The following EFR3A variants were observed in gnomAD, a reference collection of about 807,000 sequenced individuals.
EFR3A encodes EFR3 homolog A, also known as protein EFR3 homolog A.
In EFR3A, 76 loss-of-function variants were observed where a neutral mutation model predicts 104.4. That is an observed-to-expected ratio of 0.73 (90% CI 0.60 to 0.88). The LOEUF (loss-of-function observed/expected upper bound fraction) is 0.88. EFR3A is among the 40% of genes least tolerant of loss of function. The pLI, the probability that EFR3A is intolerant of heterozygous loss-of-function variation, is 0.00. For missense variants in EFR3A, 985 were observed against 1,012.5 expected (o/e 0.97, Z 0.37); for synonymous variants, 330 against 330.0 (o/e 1.00, Z 0.00).
chr8:131,965,322 C>A (rs551418607), intron 8 of EFR3A, among the ~76,000 whole-genome samples: 114 of 152,174 alleles, frequency 7.5e-4, no homozygotes, highest in African/African-American at 2.7e-3. Flanking sequence ...ACTCATCTGA[C>A]GAAGGGCTAA....
intron 18 of EFR3A, among the ~76,000 whole-genome samples, chr8:131,992,421 A>G (rs1023733493): frequency 6.6e-6 from 1 of 152,176 alleles, no homozygotes; most frequent in Non-Finnish European, 1.5e-5. Flanking sequence ...TTCAGCCTTC[A>G]TGCAGTAGAA....
chr8:131,951,387 T>C (rs2130608776), intron 5 of EFR3A, among the ~76,000 whole-genome samples: 1 of 152,234 alleles, frequency 6.6e-6, no homozygotes, highest in East Asian at 1.9e-4. Flanking sequence ...ATTAGTTTTC[T>C]ATTTGTCTCC....
At chr8:131,978,599 T>C (rs1255975910) in intron 12 of EFR3A, among the ~76,000 whole-genome samples, 2 of 152,186 alleles carry the variant, frequency 1.3e-5, no homozygotes, top group African/African-American at 2.4e-5. Context: ...TTAATACATA[T>C]GCAGTGCTTA....
chr8:131,945,020 A>C, intron 3 of EFR3A, 148 bp downstream of exon 3: 1 of 944,272 alleles, frequency 1.1e-6, no homozygotes, highest in Non-Finnish European at 1.5e-6. Flanking sequence ...GAAATATATA[A>C]TACTCCAATA....
chr8:131,991,542 G>A (rs1217033186), intron 18 of EFR3A, among the ~76,000 whole-genome samples: 4 of 152,100 alleles, frequency 2.6e-5, no homozygotes, highest in East Asian at 1.9e-4. Flanking sequence ...AAAGTAGCTT[G>A]TAGGCAGTTA....
In EFR3A at chr8:131,970,609, G is replaced by A. The variant is rs1343210840; in HGVS notation, c.1125G>A (p.Glu375=). 3 of 1,613,694 alleles carry A rather than the reference G, an allele frequency of 1.9e-6. No homozygotes were observed. The highest frequency in any genetic ancestry group is 2.2e-5 in the East Asian group (1 of 44,864). The change falls in exon 10 of 23, where the codon GAG becomes GAA. Residue 375 remains glutamate (E), a synonymous_variant. Coordinates refer to ENST00000254624, the MANE Select transcript of EFR3A (RefSeq NM_015137.6). ...NLNTSSKDND[E]KIVQNAIIQT... is the part of the protein sequence containing the mutation. The stretch of plus-strand genomic sequence containing the variant: ...ATACAAGTTCCAAAGACAATGATGA[G>A]AAGATTGTGCAGAATGCTATCATCC...
chr8:131,985,093 T>C, intron 16 of EFR3A, 33 bp downstream of exon 16: 1 of 1,575,492 alleles, frequency 6.3e-7, no homozygotes, highest in Non-Finnish European at 8.7e-7. Context: ...TAAACTTGAA[T>C]TTTGTACAAA....
At position 131,970,652 on chromosome 8, in the gene EFR3A, A is replaced by C. The variant is rs1820001162; in HGVS notation, c.1159+9A>C. ...TATCATCCAAACAATAGGTGAGTAC[A>C]TTTCACTTTTCAAAACTATCATGTA... On this transcript the variant is annotated intron_variant, in intron 10 of 22. Transcript: ENST00000254624. 6.2e-7 allele frequency: 1 copy of C among 1,607,450 alleles called. No individual in the cohort carries two copies. Among genetic ancestry groups the C allele is most frequent in the African/African-American group, 1.3e-5 (1 of 74,684 alleles).
intron 18 of EFR3A, among the ~76,000 whole-genome samples, chr8:131,995,015 C>G (rs528673812): frequency 6.6e-6 from 1 of 152,156 alleles, no homozygotes; most frequent in South Asian, 2.1e-4. Flanking sequence ...TCTTCTGTAT[C>G]ATAAAGGAAA....
intron 1 of EFR3A, among the ~76,000 whole-genome samples, chr8:131,919,058 T>G (rs1816872302): frequency 6.6e-6 from 1 of 151,512 alleles, no homozygotes; most frequent in African/African-American, 2.4e-5. Flanking sequence ...CTTACTTTGT[T>G]TAAGCAGACA....
chr8:131,995,470 T>C (rs1821426664), intron 18 of EFR3A, among the ~76,000 whole-genome samples: 1 of 152,238 alleles, frequency 6.6e-6, no homozygotes. Flanking sequence ...ACAGGGTCTC[T>C]AATCACTTCC....
intron 10 of EFR3A, among the ~76,000 whole-genome samples, chr8:131,973,456 G>A (rs1006429452): frequency 5.3e-5 from 8 of 151,954 alleles, no homozygotes; most frequent in Non-Finnish European, 1.0e-4. Context: ...ATTATAAAAT[G>A]TATATATAGC....
rs1466218518 is a variant in EFR3A at position 131,954,639 on chromosome 8, A to G, written c.638+672A>G. Among the ~76,000 whole-genome samples the G allele has an allele frequency of 2.0e-5, 3 of 149,674 alleles. No individual in the cohort carries two copies. In the East Asian group the frequency reaches 5.8e-4, roughly 29 times the overall value. ...GTTAATAATAAATAAATAGTGAAAT[A>G]TTTATTATAAATAATATTTTAAATA... On this transcript the variant is annotated intron_variant, in intron 6 of 22. Transcript: ENST00000254624.
chr8:131,969,120 A>C (rs527884195), intron 9 of EFR3A, among the ~76,000 whole-genome samples: 1 of 152,322 alleles, frequency 6.6e-6, no homozygotes, highest in South Asian at 2.1e-4. Context: ...GACAATGTCA[A>C]GTTGATAGGA....
At chr8:131,915,875 T>A (rs1586525471) in intron 1 of EFR3A, among the ~76,000 whole-genome samples, 1 of 152,206 alleles carries the variant, frequency 6.6e-6, no homozygotes, top group African/African-American at 2.4e-5. Context: ...TTTATTCACA[T>A]ATTTATTGAA....
At position 131,913,267 on chromosome 8, in the gene EFR3A, T is replaced by C. The variant is rs143469549; in HGVS notation, c.10+8945T>C. 4.5e-4 allele frequency among the ~76,000 whole-genome samples: 68 copies of C among 152,100 alleles called. 2 individuals are homozygous for C. The highest frequency in any genetic ancestry group is 1.6e-3 in the African/African-American group (68 of 41,502). On this transcript the variant is annotated intron_variant, in intron 1 of 22. Coordinates refer to ENST00000254624, the MANE Select transcript of EFR3A (RefSeq NM_015137.6). The stretch of plus-strand genomic sequence containing the variant: ...CATGTCAAAATTCTCTCATCATGTG[T>C]ATTTGCCGGGTTTATTCAGTTCTTG...
chr8:131,965,655 A>G (rs1463572737), intron 8 of EFR3A, among the ~76,000 whole-genome samples: 1 of 152,184 alleles, frequency 6.6e-6, no homozygotes, highest in African/African-American at 2.4e-5. Flanking sequence ...CAGTGTGGCA[A>G]TTCCTCAGGG....
chr8:131,987,508 T>A, intron 17 of EFR3A, 67 bp from the exon 18 acceptor site: 1 of 1,485,434 alleles, frequency 6.7e-7, no homozygotes, highest in Non-Finnish European at 9.0e-7. Context: ...TGGAATGTTT[T>A]GCATAGTAAC....
Position 132,010,685 on chromosome 8 carries a change from A to G in EFR3A, c.2361-105A>G, listed in dbSNP as rs75380359. The G allele has an allele frequency of 6.9e-4, 943 of 1,364,212 alleles. 3 individuals carry two copies. In the African/African-American group the frequency reaches 0.012, roughly 17 times the overall value. The allele number at this position is 1,364,212 out of a possible 1,614,324, so 84.5% of individuals were successfully genotyped here. Reference sequence around the variant, plus strand: ...AACTACAATGGCATTGATCACTGCAATTAAGGAGTCTGACTTTGATATTCG... The same window carrying G: ...AACTACAATGGCATTGATCACTGCAGTTAAGGAGTCTGACTTTGATATTCG... On this transcript the variant is annotated intron_variant, in intron 22 of 22. Transcript: ENST00000254624.
Sources: allele counts gnomAD v4.1 joint callset (sites outside exome capture counted in the v4.1 genomes callset), GRCh38; gene constraint gnomAD v4.1.1; transcripts MANE v1.5; gene names NCBI Gene and HGNC (gene_info 2026-07-23, HGNC 2026-07-21).